Variants in STOX2 observed in about 807,000 individuals in gnomAD.
STOX2 encodes the protein storkhead box 2.
STOX2 carries 28 observed loss-of-function variants against 60.9 expected under a neutral mutation model. That is an observed-to-expected ratio of 0.46 (90% CI 0.34 to 0.63). The LOEUF is 0.63. Among genes scored for constraint, STOX2 ranks in the 30% least tolerant of loss-of-function variants. STOX2 has a pLI of 0.01. For synonymous variants in STOX2, 472 were observed against 463.9 expected (o/e 1.02, Z -0.22); for missense variants, 1,024 against 1,187.7 (o/e 0.86, Z 2.03).
chr4:183,932,828 T>G (rs932475168), intron 1 of STOX2, among the ~76,000 whole-genome samples: 7 of 152,194 alleles, frequency 4.6e-5, no homozygotes, highest in African/African-American at 1.7e-4. Flanking sequence ...CTGTGGAAGA[T>G]GTGGGTGTTT....
At chr4:183,820,054 G>A (rs1739270667) in intron 1 of STOX2, among the ~76,000 whole-genome samples, 2 of 151,990 alleles carry the variant, frequency 1.3e-5, no homozygotes, top group African/African-American at 2.4e-5. Context: ...TGAAGTATGC[G>A]CTAGTCACAC....
At chr4:183,957,858 CA>C (rs1356499216) in intron 1 of STOX2, among the ~76,000 whole-genome samples, 3 of 150,316 alleles carry the variant, frequency 2.0e-5, no homozygotes, top group South Asian at 4.2e-4. Flanking sequence ...TGGTTTCTTT[CA>C]GGGGGGATGA....
chr4:183,924,349 G>A (rs1742181700), intron 1 of STOX2, among the ~76,000 whole-genome samples: 2 of 152,110 alleles, frequency 1.3e-5, no homozygotes, highest in African/African-American at 4.8e-5. Context: ...AAGGGGGGCT[G>A]GACCCCCACA....
At chr4:183,801,441 A>G (rs1241458499) in intron 1 of STOX2, among the ~76,000 whole-genome samples, 1 of 152,232 alleles carries the variant, frequency 6.6e-6, no homozygotes, top group East Asian at 1.9e-4. Context: ...CACTCCTGCA[A>G]ATAGGAAGAC....
intron 1 of STOX2, among the ~76,000 whole-genome samples, chr4:183,873,196 C>G (rs916796513): frequency 6.6e-6 from 1 of 151,956 alleles, no homozygotes; most frequent in African/African-American, 2.4e-5. Flanking sequence ...ACCTGTAATC[C>G]CAGCACTTTG....
chr4:184,009,802 C>T lies in STOX2; in HGVS notation c.964C>T (p.Leu322=), dbSNP rs757187034. ...MEIIRRINPD[L]TVENVMRHTA... ...AATCATTAGGCGCATTAACCCAGAC[C>T]TGACCGTGGAAAATGTCATGCGGCA... Residue 322 remains leucine (L), a synonymous_variant, in exon 3 of 4, where the codon CTG becomes TTG. Coordinates refer to ENST00000308497, the MANE Select transcript of STOX2 (RefSeq NM_020225.3). The surrounding 1 kb of genome is among the most constrained non-coding windows in gnomAD (Gnocchi z 4.0). 7.4e-6 allele frequency: 12 copies of T among 1,612,538 alleles called. No individual in the cohort carries two copies. The East Asian group carries it at 2.2e-4, about 30-fold the overall frequency.
At chr4:183,975,995 G>C (rs60295863) in intron 1 of STOX2, among the ~76,000 whole-genome samples, 7,193 of 152,204 alleles carry the variant, frequency 0.047, 577 homozygotes, top group African/African-American at 0.16. Context: ...TTTAGGCTTG[G>C]AATATAAGGC....
intron 1 of STOX2, among the ~76,000 whole-genome samples, chr4:183,953,269 G>A (rs1743147156): frequency 6.6e-6 from 1 of 152,304 alleles, no homozygotes; most frequent in Non-Finnish European, 1.5e-5. Flanking sequence ...TGGGACTAGT[G>A]TTTTATGGGA....
intron 1 of STOX2, among the ~76,000 whole-genome samples, chr4:183,866,194 A>T (rs114778923): frequency 0.011 from 1,722 of 152,022 alleles, 37 homozygotes; most frequent in African/African-American, 0.037. Context: ...TCAAGTGGCC[A>T]CCCCTCTGCC....
At chr4:183,933,058 T>C (rs1421667493) in intron 1 of STOX2, among the ~76,000 whole-genome samples, 1 of 152,220 alleles carries the variant, frequency 6.6e-6, no homozygotes, top group Non-Finnish European at 1.5e-5. Context: ...TATATAAATA[T>C]GACATTGCTT....
At chr4:183,910,730 G>A (rs1360333998) in intron 1 of STOX2, among the ~76,000 whole-genome samples, 2 of 152,162 alleles carry the variant, frequency 1.3e-5, no homozygotes, top group South Asian at 2.1e-4. Flanking sequence ...GGAGTAAAGC[G>A]TGCGTTTTTA....
chr4:183,864,139 T>G (rs1183539263), intron 1 of STOX2, among the ~76,000 whole-genome samples: 1 of 152,198 alleles, frequency 6.6e-6, no homozygotes, highest in Non-Finnish European at 1.5e-5. Context: ...TTTTGAAATA[T>G]GAGGAAATAC....
chr4:183,846,438 T>C (rs1739993071), intron 1 of STOX2, among the ~76,000 whole-genome samples: 1 of 152,164 alleles, frequency 6.6e-6, no homozygotes, highest in Admixed American at 6.5e-5. Context: ...CCTCTTTGGT[T>C]CTGTTTATTT....
chr4:183,855,762 A>G (rs561211212), intron 1 of STOX2, among the ~76,000 whole-genome samples: 62 of 152,352 alleles, frequency 4.1e-4, no homozygotes, highest in East Asian at 1.3e-3. Flanking sequence ...AAGACTATGC[A>G]GCGGAAGGTA....
In STOX2 at chr4:183,836,502, G is replaced by A. The variant is rs150171167; in HGVS notation, c.364+38447G>A. On this transcript the variant is annotated intron_variant, in intron 1 of 2. Coordinates refer to the STOX2 transcript ENST00000513034. This position sits in a 1 kb window ranked among gnomAD's most constrained non-coding sequence, Gnocchi z 4.1. ...CCAGGCTGCTGCAATCTTAGGGCAC[G>A]ACTCTACTTTCTATGAATGTGAACA... Among the ~76,000 whole-genome samples, 1,892 of 152,274 alleles carry A rather than the reference G, an allele frequency of 0.012. 39 individuals are homozygous for A. The highest frequency in any genetic ancestry group is 0.064 in the Admixed American group (983 of 15,292).
chr4:183,859,593 G>A (rs1042521452), intron 1 of STOX2, among the ~76,000 whole-genome samples: 10 of 152,350 alleles, frequency 6.6e-5, no homozygotes, highest in South Asian at 6.2e-4. Context: ...ACAGGCTTAC[G>A]GAGCCATCTC....
intron 1 of STOX2, among the ~76,000 whole-genome samples, chr4:183,952,410 T>C (rs1280770359): frequency 6.6e-6 from 1 of 152,276 alleles, no homozygotes; most frequent in Non-Finnish European, 1.5e-5. Context: ...ATGTGATTCT[T>C]GTCGGAAGTA....
At chr4:184,007,210 GAT>G (rs1367148209) in intron 2 of STOX2, among the ~76,000 whole-genome samples, 1 of 152,054 alleles carries the variant, frequency 6.6e-6, no homozygotes, top group Non-Finnish European at 1.5e-5. Flanking sequence ...GGTCACTAAA[GAT>G]ACCTTCTGAA....
Position 184,009,871 on chromosome 4 carries a change from A to G in STOX2, c.1033A>G (p.Ser345Gly). 1 of 1,611,944 alleles carries G rather than the reference A, an allele frequency of 6.2e-7. No homozygotes were observed. The highest frequency in any genetic ancestry group is 1.1e-5 in the South Asian group (1 of 90,620). Residue 345 changes from serine to glycine, a missense_variant, in exon 3 of 4, where the codon AGT becomes GGT. Coordinates refer to ENST00000308497, the MANE Select transcript of STOX2 (RefSeq NM_020225.3). The surrounding 1 kb of genome is among the most constrained non-coding windows in gnomAD (Gnocchi z 4.0). ...KKLEEEKAQR[S>G]KAGSSAHHSG... is the part of the protein sequence containing the mutation. The stretch of plus-strand genomic sequence containing the variant: ...ACTGGAAGAAGAAAAGGCCCAGAGG[A>G]GTAAAGCCGGGTCCTCTGCCCATCA...
Sources: gnomAD v4.1 joint callset for allele counts (sites outside exome capture counted in the v4.1 genomes callset) on GRCh38, gnomAD v4.1.1 for gene constraint, Gnocchi (gnomAD v3.1) non-coding constraint, MANE v1.5 for transcripts, NCBI Gene and HGNC (gene_info 2026-07-23, HGNC 2026-07-21) for gene names.